The following XG variants were observed in gnomAD, a reference collection of about 807,000 sequenced individuals.
XG encodes the protein Xg glycoprotein (Xg blood group).
In XG, 24 loss-of-function variants were observed where a neutral mutation model predicts 25.7. The observed-to-expected ratio is 0.93, with a 90% CI of 0.68 to 1.31. The LOEUF is 1.31. Among genes scored for constraint, XG ranks in the 40% most tolerant of loss-of-function variants. The probability of loss-of-function intolerance (pLI) is 0.00; values close to 1 mark genes in which losing one functional copy is unlikely to be tolerated. For missense variants in XG, 181 were observed against 187.6 expected, an observed-to-expected ratio of 0.96 and a Z score of 0.21; for synonymous variants, 77 against 69.2, an observed-to-expected ratio of 1.11 and a Z score of -0.56.
At chrX:2,799,500 T>C (rs779963481) in intron 7 of XG, among the ~76,000 whole-genome samples, 1 of 111,282 alleles carries the variant, frequency 9.0e-6, no homozygotes, top group African/African-American at 3.3e-5. Context: ...TTTTTTTACA[T>C]AAGATGGCAT....
intron 7 of XG, among the ~76,000 whole-genome samples, chrX:2,805,647 C>A (rs1409976215): frequency 6.5e-4 from 72 of 110,836 alleles, no homozygotes; most frequent in African/African-American, 2.3e-3. Flanking sequence ...AGGGCTGGTT[C>A]CTCCTGAGGC....
chrX:2,762,568 T>C (rs1435867571), intron 1 of XG, among the ~76,000 whole-genome samples: 1 of 152,114 alleles, frequency 6.6e-6, no homozygotes, highest in Non-Finnish European at 1.5e-5. Context: ...TTTGATTTCC[T>C]GTCCTGCTGG....
chrX:2,791,256 T>G (rs1459148502), intron 5 of XG, among the ~76,000 whole-genome samples: 3 of 111,073 alleles, frequency 2.7e-5, no homozygotes, highest in African/African-American at 9.8e-5. Context: ...GTGGGGCAAA[T>G]GTGTGCAGAT....
At chrX:2,774,022 G>A (rs1052786374) in intron 2 of XG, among the ~76,000 whole-genome samples, 2 of 148,480 alleles carry the variant, frequency 1.3e-5, no homozygotes, top group African/African-American at 2.6e-5. Flanking sequence ...ACACAAACCC[G>A]TGTTCCAGCC....
chrX:2,794,611 C>T lies in XG; in HGVS notation c.322+8C>T. On this transcript the variant is annotated splice_region_variant and intron_variant, in intron 6 of 10. Coordinates refer to ENST00000644266, the MANE Select transcript of XG (RefSeq NM_001141919.2). The stretch of plus-strand genomic sequence containing the variant: ...GGCCACGGCCGCCTGCAGGTAGGTG[C>T]CGAGCCTCCCCAGATGCGACACATT... The T allele has an allele frequency of 8.3e-7, 1 of 1,209,412 alleles. No individual in the cohort carries two copies. Among genetic ancestry groups the T allele is most frequent in the Middle Eastern group, 2.3e-4 (1 of 4,342 alleles).
intron 4 of XG, among the ~76,000 whole-genome samples, chrX:2,786,921 C>G (rs1043213646): frequency 8.2e-5 from 9 of 110,395 alleles, no homozygotes; most frequent in African/African-American, 3.0e-4. Flanking sequence ...CACTCCCAGC[C>G]TCCAGGACTG....
chrX:2,789,742 T>G (rs1603457581), intron 5 of XG, 36 bp downstream of exon 5: 26 of 713,128 alleles, frequency 3.6e-5, no homozygotes, highest in Non-Finnish European at 4.8e-5. Flanking sequence ...TTATTTTATT[T>G]TATTTTATTT....
chrX:2,777,417 A>T (rs2051023100), intron 3 of XG, among the ~76,000 whole-genome samples: 4 of 152,140 alleles, frequency 2.6e-5, no homozygotes, highest in Non-Finnish European at 5.9e-5. Flanking sequence ...ATACAAAAAA[A>T]ATGAAGAGTA....
chrX:2,771,143 C>G (rs568385230), intron 2 of XG, among the ~76,000 whole-genome samples: 1 of 152,194 alleles, frequency 6.6e-6, no homozygotes, highest in African/African-American at 2.4e-5. Context: ...CGTGCCTCAA[C>G]ATGCCTGGCC....
intron 1 of XG, among the ~76,000 whole-genome samples, chrX:2,757,059 T>C (rs1370343165): frequency 6.6e-6 from 1 of 152,064 alleles, no homozygotes; most frequent in African/African-American, 2.4e-5. Context: ...TGGAGATGAC[T>C]CTTAGCGGGA....
intron 5 of XG, among the ~76,000 whole-genome samples, chrX:2,791,088 CACTT>C (rs1461799042): frequency 9.1e-6 from 1 of 109,849 alleles, no homozygotes; most frequent in Non-Finnish European, 1.9e-5. Flanking sequence ...GTGTTCTACT[CACTT>C]ATTCTTCCCT....
At chrX:2,775,799 T>C (rs989557030) in intron 3 of XG, among the ~76,000 whole-genome samples, 7 of 149,266 alleles carry the variant, frequency 4.7e-5, no homozygotes, top group African/African-American at 1.7e-4. Context: ...CTACTAAATA[T>C]AAAAAAATTA....
chrX:2,800,680 C>T (rs1477706994), intron 7 of XG, among the ~76,000 whole-genome samples: 1 of 111,510 alleles, frequency 9.0e-6, no homozygotes, highest in Non-Finnish European at 1.9e-5. Context: ...GTGCTCATTA[C>T]CTGGGGTCAA....
At chrX:2,775,955 CAA>C (rs1173774743) in intron 3 of XG, among the ~76,000 whole-genome samples, 4 of 122,164 alleles carry the variant, frequency 3.3e-5, no homozygotes, top group Admixed American at 9.2e-5. Context: ...GATTCCGTCT[CAA>C]AAAAAAAAAA....
At chrX:2,778,086 G>A (rs1428859333) in intron 3 of XG, among the ~76,000 whole-genome samples, 3 of 152,244 alleles carry the variant, frequency 2.0e-5, no homozygotes, top group Non-Finnish European at 4.4e-5. Context: ...CCCAAATAGA[G>A]GTTCTTCCCA....
At chrX:2,801,997 G>A (rs756533685) in intron 7 of XG, among the ~76,000 whole-genome samples, 15 of 111,379 alleles carry the variant, frequency 1.3e-4, no homozygotes, top group Admixed American at 8.6e-4. Flanking sequence ...GTGAGCCACC[G>A]CGCCCGGCCA....
chrX:2,779,639 C>G (rs770050309), intron 3 of XG, among the ~76,000 whole-genome samples: 1 of 151,924 alleles, frequency 6.6e-6, no homozygotes, highest in Admixed American at 6.6e-5. Context: ...AGTATATGTT[C>G]CTGTATATTT....
At chrX:2,779,892 C>G (rs1459171330) in intron 3 of XG, among the ~76,000 whole-genome samples, 1 of 152,104 alleles carries the variant, frequency 6.6e-6, no homozygotes, top group Non-Finnish European at 1.5e-5. Flanking sequence ...CATAATCTGC[C>G]CACCTTGGCC....
chrX:2,785,592 A>C (rs1419931), intron 4 of XG, among the ~76,000 whole-genome samples: 2 of 109,697 alleles, frequency 1.8e-5, no homozygotes, highest in East Asian at 5.7e-4. Flanking sequence ...ACAATTGAAC[A>C]TCAGAACATG....
Sources: allele counts gnomAD v4.1 joint callset (sites outside exome capture counted in the v4.1 genomes callset), GRCh38; gene constraint gnomAD v4.1.1; transcripts MANE v1.5; gene names NCBI Gene and HGNC (gene_info 2026-07-23, HGNC 2026-07-21).